Variants in DUX4 observed in about 807,000 individuals in gnomAD.
The protein encoded by DUX4 is double homeobox 4.
At chr4:190,179,444 C>T (rs1742492897), downstream of DUX4, among the ~76,000 whole-genome samples, 264 of 23,782 alleles carry the variant, frequency 0.011, no homozygotes, top group Middle Eastern at 0.024. Context: ...TGTCACAAAG[C>T]ACCCTGTAAG....
downstream of DUX4, among the ~76,000 whole-genome samples, chr4:190,178,283 T>C (rs1742415153): frequency 1.6e-3 from 204 of 130,086 alleles, no homozygotes; most frequent in Admixed American, 2.1e-3. Context: ...TATGTCACAA[T>C]GTCCCCTGTA....
downstream of DUX4, among the ~76,000 whole-genome samples, chr4:190,179,042 AGGCAGATCCTAGAAAAGAGTCCC>A (rs1742474134): frequency 1.9e-3 from 9 of 4,750 alleles, no homozygotes; most frequent in African/African-American, 3.1e-3. Context: ...AAGTCCCTTT[AGGCAGATCCTAGAAAAGAGTCCC>A]ATTACTTGGG....
At chr4:190,177,889 C>CCAG (rs1742393811), downstream of DUX4, among the ~76,000 whole-genome samples, 1 of 120,524 alleles carries the variant, frequency 8.3e-6, no homozygotes, top group Non-Finnish European at 1.8e-5. Context: ...TAGCCATATC[C>CCAG]TTGACAAAAG....
At chr4:190,176,152 A>G (rs1190176001), downstream of DUX4, among the ~76,000 whole-genome samples, 2 of 112,464 alleles carry the variant, frequency 1.8e-5, no homozygotes, top group African/African-American at 5.3e-5. Flanking sequence ...CAGTGCAGAG[A>G]TATCTCACAA....
rs1201768426 is a variant in DUX4 at position 190,183,155 on chromosome 4, A to G, written n.93-2186A>G. The G allele has an allele frequency of 1.3e-4, 10 of 74,782 alleles. 2 individuals carry two copies. Among genetic ancestry groups the G allele is most frequent in the African/African-American group, 3.1e-4 (10 of 32,522 alleles). The allele number at this position is 74,782 out of a possible 1,614,324, so 4.6% of individuals were successfully genotyped here. ...TAGGGTTAGGATTGGGGTTAGGTTT[A>G]GGGTTAGGGTAGTGTAAATAATTTC... On this transcript the variant is annotated intron_variant and non_coding_transcript_variant, in intron 1 of 2. Transcript: ENST00000563716.
At chr4:190,176,792 T>A (rs1742321989), downstream of DUX4, among the ~76,000 whole-genome samples, 2 of 121,478 alleles carry the variant, frequency 1.6e-5, no homozygotes, top group African/African-American at 2.7e-5. Context: ...CTGTAGGCAG[T>A]GCCTAGACAA....
chr4:190,176,497 G>T (rs1418865339), downstream of DUX4, among the ~76,000 whole-genome samples: 1 of 108,618 alleles, frequency 9.2e-6, no homozygotes, highest in African/African-American at 2.7e-5. Flanking sequence ...GCAGAGATAT[G>T]TGAGAATTCC....
chr4:190,180,013 AGTTACATCACCTGTGTGATCAGT>A (rs1742525759), downstream of DUX4, among the ~76,000 whole-genome samples: 1 of 29,132 alleles, frequency 3.4e-5, no homozygotes, highest in African/African-American at 1.6e-4. Flanking sequence ...CTTAAACTAG[AGTTACATCACCTGTGTGATCAGT>A]GCAGAGATAT....
chr4:190,183,286 G>A (rs1164376358), intron 1 of DUX4: 1 of 109,074 alleles, frequency 9.2e-6, no homozygotes, highest in Non-Finnish European at 2.1e-5. Context: ...TCTGTGGACA[G>A]TTTCTCCTCA....
chr4:190,179,799 C>CA (rs1742513818), downstream of DUX4, among the ~76,000 whole-genome samples: 1 of 35,494 alleles, frequency 2.8e-5, no homozygotes. Flanking sequence ...GTAGGCAAGC[C>CA]TACACAAGTA....
intron 1 of DUX4, among the ~76,000 whole-genome samples, chr4:190,181,326 C>G (rs1579837224): frequency 6.8e-4 from 4 of 5,920 alleles, no homozygotes; most frequent in Admixed American, 1.8e-3. Context: ...GTCCCATCCC[C>G]TGGGTGATCT....
intron 1 of DUX4, among the ~76,000 whole-genome samples, chr4:190,181,381 AAGAGTTACATCATCTG>A (rs1742567586): frequency 1.6e-3 from 4 of 2,480 alleles, no homozygotes; most frequent in African/African-American, 3.5e-3. Context: ...GAGCCTAAAC[AAGAGTTACATCATCTG>A]GTTGATCAGT....
downstream of DUX4, among the ~76,000 whole-genome samples, chr4:190,179,142 G>T (rs1742479884): frequency 6.6e-6 from 1 of 151,598 alleles, no homozygotes; most frequent in Admixed American, 6.6e-5. Context: ...ATATGACCTA[G>T]GTGATCAGTG....
At chr4:190,175,557 C>CCCGGG in intron 1 of DUX4, 90 bp from the exon 2 acceptor site, 1 of 151,102 alleles carries the variant, frequency 6.6e-6, no homozygotes, top group African/African-American at 2.7e-5. Flanking sequence ...CGCCCGCCCG[C>CCCGGG]CCGGGCCCCT....
At chr4:190,178,900 C>A (rs1579834890), downstream of DUX4, among the ~76,000 whole-genome samples, 76 of 129,502 alleles carry the variant, frequency 5.9e-4, 1 homozygote, top group Admixed American at 1.0e-3. Context: ...TGTCACAATG[C>A]CCCCATAGGC....
chr4:190,182,110 C>T (rs1397824782), intron 1 of DUX4: 2 of 110,536 alleles, frequency 1.8e-5, no homozygotes, highest in Non-Finnish European at 4.3e-5. Context: ...CACAATGCCT[C>T]CTGTAGGCAG....
downstream of DUX4, among the ~76,000 whole-genome samples, chr4:190,178,419 AACG>A (rs1742423700): frequency 6.6e-6 from 1 of 151,524 alleles, no homozygotes. Context: ...GATATGTGAA[AACG>A]CCCCTGTAGG....
intron 1 of DUX4, among the ~76,000 whole-genome samples, chr4:190,181,441 CGTAAG>C (rs1742570821): frequency 3.9e-5 from 1 of 25,340 alleles, no homozygotes; most frequent in Non-Finnish European, 8.5e-5. Context: ...GCAGGCAGAG[CGTAAG>C]CAAGAGTTAC....
chr4:190,178,891 GTC>G (rs1742461121), downstream of DUX4, among the ~76,000 whole-genome samples: 1 of 36,074 alleles, frequency 2.8e-5, no homozygotes, highest in African/African-American at 9.1e-5. Context: ...GCAGATCTAT[GTC>G]ACAATGCCCC....
Sources: allele counts gnomAD v4.1 joint callset (sites outside exome capture counted in the v4.1 genomes callset), GRCh38; gene constraint gnomAD v4.1.1; transcripts MANE v1.5; gene names NCBI Gene and HGNC (gene_info 2026-07-23, HGNC 2026-07-21).